COL15A1: variants seen among roughly 807,000 people sequenced by gnomAD.
COL15A1 encodes the protein collagen type XV alpha 1 chain.
A neutral mutation model predicts 165.9 loss-of-function variants in COL15A1; 111 were observed. The observed-to-expected ratio is 0.67, with a 90% CI of 0.57 to 0.78. COL15A1 has a LOEUF of 0.78. COL15A1 is among the 30% of genes least tolerant of loss of function. The probability of loss-of-function intolerance (pLI) is 0.00; values close to 1 mark genes in which losing one functional copy is unlikely to be tolerated. For synonymous variants in COL15A1, 659 were observed against 674.8 expected (o/e 0.98, Z 0.36); for missense variants, 1,745 against 1,789.7 (o/e 0.98, Z 0.45).
At chr9:99,049,094 T>C (rs1000911368) in intron 28 of COL15A1, among the ~76,000 whole-genome samples, 1 of 152,204 alleles carries the variant, frequency 6.6e-6, no homozygotes, top group East Asian at 1.9e-4. Context: ...CTGCATGAAC[T>C]AAACTCTTCA....
chr9:98,954,975 A>G (rs886555823), intron 2 of COL15A1, among the ~76,000 whole-genome samples: 1 of 152,194 alleles, frequency 6.6e-6, no homozygotes, highest in Non-Finnish European at 1.5e-5. Flanking sequence ...AAGGGCTAGA[A>G]GAGGGTTTTT....
At position 99,070,274 on chromosome 9, in the gene COL15A1, T is replaced by G; in HGVS notation, c.*388T>G. The G allele has an allele frequency of 4.6e-6, 1 of 217,068 alleles. No homozygotes were observed. Among genetic ancestry groups the G allele is most frequent in the South Asian group, 6.1e-5 (1 of 16,382 alleles). 13.4% of individuals were successfully genotyped at this position (217,068 alleles called of 1,614,324 possible). A position where few individuals can be genotyped will look rare whatever the true frequency, so the allele number is the denominator to read the frequency against. On this transcript the variant is annotated 3_prime_UTR_variant, in exon 42 of 42. Transcript: ENST00000375001. ...CCTTCATGTTTTCTTATAAAGTCAGTGTTTAGAAATGTTACCCTTTCTAAG... is the reference window on the plus strand; with the variant it reads ...CCTTCATGTTTTCTTATAAAGTCAGGGTTTAGAAATGTTACCCTTTCTAAG...
chr9:99,057,411 AT>A (rs1352424723), intron 35 of COL15A1, among the ~76,000 whole-genome samples: 1 of 152,228 alleles, frequency 6.6e-6, no homozygotes, highest in Non-Finnish European at 1.5e-5. Context: ...GGAACTCTGT[AT>A]ATAAAAATCT....
chr9:98,994,172 A>G (rs1259254897), intron 5 of COL15A1, among the ~76,000 whole-genome samples: 2 of 151,958 alleles, frequency 1.3e-5, no homozygotes, highest in East Asian at 3.9e-4. Flanking sequence ...TGGTCTTTAA[A>G]AGCAGATTCT....
rs548534303 is a variant in COL15A1, at chr9:99,038,868, C to T, written c.2475+135C>T. ...ATATCAAAGTAGAATGGAAAGAAAG[C>T]TTTGCATTTTTTGAAAAGTTGCTTT... is the stretch of plus-strand genomic sequence containing the variant. On this transcript the variant is annotated intron_variant, in intron 22 of 41. Transcript: ENST00000375001. The T allele has an allele frequency of 1.0e-5, 6 of 598,192 alleles. No homozygotes were observed. The East Asian group carries it at 1.3e-4, about 13-fold the overall frequency. The allele number at this position is 598,192 out of a possible 1,614,324, so 37.1% of individuals were successfully genotyped here. A position where few individuals can be genotyped will look rare whatever the true frequency, so the allele number is the denominator to read the frequency against.
At chr9:98,951,990 T>G (rs1837696306) in intron 2 of COL15A1, among the ~76,000 whole-genome samples, 1 of 152,212 alleles carries the variant, frequency 6.6e-6, no homozygotes, top group African/African-American at 2.4e-5. Flanking sequence ...TCAGGGCTTC[T>G]CAGACTGTAC....
rs751826956 is a variant in COL15A1, at chr9:98,985,788, C to T, written c.324C>T (p.Phe108=). 1.5e-5 allele frequency: 25 copies of T among 1,613,966 alleles called. No individual in the cohort carries two copies. In the South Asian group the frequency reaches 2.2e-4, roughly 14 times the overall value. ...GCAGCACCCGTGGTGGCGTGCTCTT[C>T]GCCATCACTGACGCCTTCCAGAAGG... ...KPSSTRGGVL[F]AITDAFQKVI... The change falls in exon 3 of 42, where the codon TTC becomes TTT. Residue 108 remains phenylalanine (F), a synonymous_variant. Coordinates refer to ENST00000375001, the MANE Select transcript of COL15A1 (RefSeq NM_001855.5).
chr9:98,957,256 C>T lies in COL15A1; in HGVS notation c.100+13006C>T, dbSNP rs146795516. 2.6e-3 allele frequency among the ~76,000 whole-genome samples: 389 copies of T among 152,262 alleles called. 1 individual carries two copies. Among genetic ancestry groups the T allele is most frequent in the African/African-American group, 8.7e-3 (363 of 41,550 alleles). Reference sequence around the variant, plus strand: ...CTTGTTTGCTAGCTTTGAAAATAGACGAAGGGGCCACAAGCCAAGGAATGC... The same window carrying T: ...CTTGTTTGCTAGCTTTGAAAATAGATGAAGGGGCCACAAGCCAAGGAATGC... On this transcript the variant is annotated intron_variant, in intron 2 of 41. Transcript: ENST00000375001.
chr9:99,033,311 G>T (rs1303065670), intron 16 of COL15A1, among the ~76,000 whole-genome samples: 1 of 150,406 alleles, frequency 6.6e-6, no homozygotes, highest in Non-Finnish European at 1.5e-5. Flanking sequence ...CTGGGGCTCT[G>T]CCCTATGTCT....
chr9:99,045,775 A>G (rs1839483365), intron 26 of COL15A1, among the ~76,000 whole-genome samples: 1 of 152,186 alleles, frequency 6.6e-6, no homozygotes, highest in Non-Finnish European at 1.5e-5. Context: ...TCTCAGATGA[A>G]CCTCACTGCC....
intron 11 of COL15A1, among the ~76,000 whole-genome samples, chr9:99,016,542 C>T (rs113347191): frequency 2.0e-5 from 3 of 152,136 alleles, no homozygotes; most frequent in African/African-American, 4.8e-5. Flanking sequence ...TAAGCAAATC[C>T]GTTGATTTCT....
At chr9:99,010,946 T>C (rs1838838872) in intron 9 of COL15A1, among the ~76,000 whole-genome samples, 1 of 152,070 alleles carries the variant, frequency 6.6e-6, no homozygotes, top group Non-Finnish European at 1.5e-5. Flanking sequence ...GAATATTATA[T>C]TGGAAGAAAA....
intron 23 of COL15A1, chr9:99,041,422 C>T (rs1396938093): frequency 6.7e-6 from 1 of 149,286 alleles, no homozygotes; most frequent in Non-Finnish European, 1.5e-5. Context: ...CACAGGCATT[C>T]AGTGTCTGTT....
At chr9:99,058,735 C>A (rs112203357) in intron 35 of COL15A1, among the ~76,000 whole-genome samples, 1,794 of 152,282 alleles carry the variant, frequency 0.012, 35 homozygotes, top group African/African-American at 0.042. Context: ...CTGAAGCTCA[C>A]AGAGGTGAAG....
At chr9:99,010,143 G>A (rs1251475792) in intron 9 of COL15A1, among the ~76,000 whole-genome samples, 1 of 152,214 alleles carries the variant, frequency 6.6e-6, no homozygotes, top group African/African-American at 2.4e-5. Context: ...TACAGGATCT[G>A]TAGGTGAGGC....
chr9:98,980,514 A>T (rs1838219879), intron 2 of COL15A1, among the ~76,000 whole-genome samples: 1 of 152,174 alleles, frequency 6.6e-6, no homozygotes. Context: ...CTGGGACAGC[A>T]TGGGGCACGC....
rs768533160 is a variant in COL15A1 at position 99,055,170 on chromosome 9, A to G, written c.3081+19A>G. The G allele has an allele frequency of 2.5e-6, 4 of 1,610,412 alleles. No individual in the cohort carries two copies. The highest frequency in any genetic ancestry group is 3.4e-6 in the Non-Finnish European group (4 of 1,176,642). ...CTTGAAGGTGAGTATTTCTCTACCA[A>G]TATTTGGCCTGTGTTTTTCAGGTTT... On this transcript the variant is annotated intron_variant, in intron 33 of 41. Transcript: ENST00000375001.
In COL15A1 at chr9:99,025,908, C is replaced by T; in HGVS notation, c.1985C>T (p.Pro662Leu). Residue 662 changes from proline (P) to leucine (L), a missense_variant, in exon 16 of 42, where the codon CCT becomes CTT. Pro to Leu is a moderately conservative substitution (Grantham distance 98). Transcript: ENST00000375001. Reference protein sequence around the residue: ...GPAGEPGPPGPEGQPGVDGAT... With the variant: ...GPAGEPGPPGLEGQPGVDGAT... Reference sequence around the variant, plus strand: ...ATTGTCACTGATGTTCCCCAGGGCCCTGAGGGACAGCCTGGAGTTGATGGA... The same window carrying T: ...ATTGTCACTGATGTTCCCCAGGGCCTTGAGGGACAGCCTGGAGTTGATGGA... 2 of 1,613,032 alleles carry T rather than the reference C, an allele frequency of 1.2e-6. No homozygotes were observed. The highest frequency in any genetic ancestry group is 1.1e-5 in the South Asian group (1 of 90,728).
At chr9:99,026,922 C>G (rs760957844) in intron 16 of COL15A1, among the ~76,000 whole-genome samples, 1 of 152,222 alleles carries the variant, frequency 6.6e-6, no homozygotes, top group South Asian at 2.1e-4. Flanking sequence ...CTCCTTAGAA[C>G]CTAGCACAAG....
Sources: allele counts gnomAD v4.1 joint callset (sites outside exome capture counted in the v4.1 genomes callset), GRCh38; gene constraint gnomAD v4.1.1; transcripts MANE v1.5; gene names NCBI Gene and HGNC (gene_info 2026-07-23, HGNC 2026-07-21).